CSMD1: variants seen among roughly 807,000 people sequenced by gnomAD.
The protein encoded by CSMD1 is CUB and sushi domain-containing protein 1.
Under a neutral mutation model 417.5 loss-of-function variants are expected in CSMD1, and 213 were observed. The ratio of observed to expected loss-of-function variants is 0.51; its 90% confidence interval spans 0.46 to 0.57. The LOEUF (loss-of-function observed/expected upper bound fraction) is 0.57, where lower values mean the gene tolerates loss of function less well. Ranked by LOEUF, CSMD1 falls within the 20% of genes least tolerant of loss-of-function variation. The pLI, the probability that CSMD1 is intolerant of heterozygous loss-of-function variation, is 0.00. For synonymous variants in CSMD1, 2,862 were observed against 1,736.8 expected, an observed-to-expected ratio of 1.65 and a Z score of -16.11; for missense variants, 6,923 against 4,529.7, an observed-to-expected ratio of 1.53 and a Z score of -15.17.
chr8:2,955,623 G>A lies in CSMD1; in HGVS notation c.9960C>T (p.Asp3320=), dbSNP rs1196244225. 1 of 1,613,796 alleles carries A rather than the reference G, an allele frequency of 6.2e-7. No homozygotes were observed. Among genetic ancestry groups the A allele is most frequent in the Non-Finnish European group, 8.5e-7 (1 of 1,179,778 alleles). The part of the protein sequence containing the change: ...GGSEHRTCKA[D]MKWTGKSPVC... The stretch of plus-strand genomic sequence containing the variant: ...CAGGCGACTTTCCTGTCCATTTCAT[G>A]TCTGCTTTACATGTTCTGTGCTCAG... Residue 3320 remains aspartate, a synonymous_variant, in exon 64 of 70, where the codon GAC becomes GAT. Coordinates refer to ENST00000635120, the MANE Select transcript of CSMD1 (RefSeq NM_033225.6).
intron 3 of CSMD1, among the ~76,000 whole-genome samples, chr8:4,312,465 G>GTATATATATATATATA (rs140158264): frequency 2.0e-4 from 24 of 119,248 alleles, no homozygotes; most frequent in Admixed American, 3.9e-4. Context: ...ATATATGCGC[G>GTATATATATATATATA]TATATATATA....
intron 9 of CSMD1, among the ~76,000 whole-genome samples, chr8:3,578,568 C>G (rs900388442): frequency 2.6e-5 from 4 of 152,146 alleles, no homozygotes; most frequent in African/African-American, 9.7e-5. Flanking sequence ...ATCTGATGTT[C>G]TGGGAGGTCA....
At chr8:3,649,368 T>G (rs1412109755) in intron 7 of CSMD1, among the ~76,000 whole-genome samples, 3 of 152,208 alleles carry the variant, frequency 2.0e-5, no homozygotes, top group Non-Finnish European at 4.4e-5. Context: ...GCTTTTACAC[T>G]GATATTAAAA....
chr8:4,397,137 C>T (rs895092302), intron 3 of CSMD1, among the ~76,000 whole-genome samples: 16 of 152,066 alleles, frequency 1.1e-4, no homozygotes, highest in African/African-American at 3.9e-4. Context: ...ATCACATGGT[C>T]GAGCAATCAC....
intron 50 of CSMD1, among the ~76,000 whole-genome samples, chr8:3,046,360 G>A (rs1034212813): frequency 3.9e-5 from 6 of 152,080 alleles, no homozygotes; most frequent in Non-Finnish European, 8.8e-5. Context: ...ATACCTGTAC[G>A]CCTCCTCCGG....
chr8:4,652,866 T>A (rs1803995327), intron 1 of CSMD1, among the ~76,000 whole-genome samples: 1 of 152,080 alleles, frequency 6.6e-6, no homozygotes, highest in Non-Finnish European at 1.5e-5. Context: ...CCGTTCACAA[T>A]AGGGTTCATG....
At chr8:4,567,504 C>T (rs976630348) in intron 2 of CSMD1, among the ~76,000 whole-genome samples, 19 of 152,204 alleles carry the variant, frequency 1.2e-4, no homozygotes, top group African/African-American at 4.1e-4. Context: ...CTTCCCACTC[C>T]AACTTAGAAA....
At chr8:3,585,509 C>T (rs1174342086) in intron 9 of CSMD1, among the ~76,000 whole-genome samples, 1 of 152,064 alleles carries the variant, frequency 6.6e-6, no homozygotes, top group East Asian at 1.9e-4. Flanking sequence ...TAATTTTCTG[C>T]TTTTCAATAT....
In CSMD1 at chr8:3,285,765, A is replaced by G. The variant is rs115098205; in HGVS notation, c.3951-1419T>C. Among the ~76,000 whole-genome samples, 1,165 of 151,830 alleles carry G rather than the reference A, an allele frequency of 7.7e-3. 18 individuals are homozygous for G. Among genetic ancestry groups the G allele is most frequent in the African/African-American group, 0.027 (1,099 of 41,392 alleles). On this transcript the variant is annotated intron_variant, in intron 25 of 69. Coordinates refer to ENST00000635120, the MANE Select transcript of CSMD1 (RefSeq NM_033225.6). ...TTTTTTGCCTCCACTCCACCAAATC[A>G]TTGGTTCTTTCTCTTATCACACACT...
At chr8:4,738,765 G>T (rs1413061733) in intron 1 of CSMD1, among the ~76,000 whole-genome samples, 1 of 152,056 alleles carries the variant, frequency 6.6e-6, no homozygotes, top group East Asian at 1.9e-4. Context: ...CTGAATACAG[G>T]ATTAAGCTTG....
chr8:4,003,784 G>T (rs1585115192), intron 4 of CSMD1, among the ~76,000 whole-genome samples: 1 of 152,028 alleles, frequency 6.6e-6, no homozygotes. Context: ...CTCAACTTAG[G>T]GTCTGATGTC....
At chr8:4,916,115 G>A (rs1033733760) in intron 1 of CSMD1, among the ~76,000 whole-genome samples, 1 of 152,186 alleles carries the variant, frequency 6.6e-6, no homozygotes, top group Non-Finnish European at 1.5e-5. Flanking sequence ...GCTTCAGCAG[G>A]AGTCTGATGA....
intron 26 of CSMD1, among the ~76,000 whole-genome samples, chr8:3,242,872 C>T (rs985026562): frequency 4.0e-5 from 6 of 151,758 alleles, no homozygotes; most frequent in African/African-American, 1.2e-4. Context: ...GATCGGGGTA[C>T]AGAGATAAGA....
At chr8:3,531,287 T>G (rs1313233267) in intron 10 of CSMD1, among the ~76,000 whole-genome samples, 2 of 152,224 alleles carry the variant, frequency 1.3e-5, no homozygotes, top group African/African-American at 4.8e-5. Flanking sequence ...ATTATTATTA[T>G]TTGTTGTTGT....
chr8:4,091,961 G>A (rs1052015281), intron 3 of CSMD1, among the ~76,000 whole-genome samples: 25 of 152,148 alleles, frequency 1.6e-4, no homozygotes, highest in African/African-American at 5.8e-4. Flanking sequence ...AGGGACTCAC[G>A]TAACTCTGCT....
At chr8:4,742,073 C>G (rs532974554) in intron 1 of CSMD1, among the ~76,000 whole-genome samples, 4 of 118,774 alleles carry the variant, frequency 3.4e-5, no homozygotes, top group Non-Finnish European at 6.5e-5. Context: ...CTCTGTCGCC[C>G]AGGCTGGAGT....
At chr8:4,027,720 T>G (rs780367079) in intron 4 of CSMD1, among the ~76,000 whole-genome samples, 1 of 152,136 alleles carries the variant, frequency 6.6e-6, no homozygotes, top group Non-Finnish European at 1.5e-5. Flanking sequence ...TGGGGGCCCA[T>G]TGAACAAACT....
At chr8:3,833,520 T>A (rs1276071001) in intron 5 of CSMD1, among the ~76,000 whole-genome samples, 1 of 152,136 alleles carries the variant, frequency 6.6e-6, no homozygotes, top group Non-Finnish European at 1.5e-5. Flanking sequence ...TATTCAGAAT[T>A]TTTTTCAATG....
intron 7 of CSMD1, among the ~76,000 whole-genome samples, chr8:3,695,084 C>CTGTGTGTGTGTGTGTG (rs1585089006): frequency 3.0e-5 from 1 of 33,242 alleles, no homozygotes; most frequent in Non-Finnish European, 6.4e-5. Context: ...ATTGGAGGCC[C>CTGTGTGTGTGTGTGTG]TGCGTGTGTG....
Sources: gnomAD v4.1 joint callset for allele counts (sites outside exome capture counted in the v4.1 genomes callset) on GRCh38, gnomAD v4.1.1 for gene constraint, MANE v1.5 for transcripts, NCBI Gene and HGNC (gene_info 2026-07-23, HGNC 2026-07-21) for gene names.